The following SLCO4A1 variants were observed in gnomAD, a reference collection of about 807,000 sequenced individuals.
SLCO4A1 encodes the protein colon organic anion transporter.
SLCO4A1 carries 51 observed loss-of-function variants against 64.6 expected under a neutral mutation model. The ratio of observed to expected loss-of-function variants is 0.79; its 90% CI spans 0.63 to 1.00. The LOEUF is 1.00. Among genes scored for constraint, SLCO4A1 ranks in the 50% least tolerant of loss-of-function variants. The pLI, the probability that SLCO4A1 is intolerant of heterozygous loss-of-function variation, is 0.00. For synonymous variants in SLCO4A1, 471 were observed against 444.9 expected (o/e 1.06, Z -0.74); for missense variants, 919 against 980.5 (o/e 0.94, Z 0.84).
At chr20:62,652,269 G>T (rs1982687576) in intron 1 of SLCO4A1, 1 of 152,094 alleles carries the variant, frequency 6.6e-6, no homozygotes, top group Non-Finnish European at 1.5e-5. Context: ...CCTCCAGGCA[G>T]TCCTCAGGGT....
intron 2 of SLCO4A1, among the ~76,000 whole-genome samples, chr20:62,678,820 G>C (rs1160608896): frequency 1.3e-5 from 2 of 152,196 alleles, no homozygotes; most frequent in Non-Finnish European, 2.9e-5. Context: ...GGTTAGTAGT[G>C]TGTGGTTTCA....
intron 9 of SLCO4A1, 110 bp downstream of exon 9, chr20:62,668,294 CG>C (rs1569146036): frequency 1.5e-6 from 2 of 1,362,922 alleles, no homozygotes; most frequent in Non-Finnish European, 2.1e-6. Context: ...CAGGTCTAAG[CG>C]GGCCTGTCTG....
At chr20:62,658,456 T>G (rs1374526587) in intron 2 of SLCO4A1, among the ~76,000 whole-genome samples, 1 of 152,260 alleles carries the variant, frequency 6.6e-6, no homozygotes, top group African/African-American at 2.4e-5. Context: ...GGAAAGACAG[T>G]GCACTTGGCT....
At chr20:62,680,584 TA>T (rs1368456373) in intron 2 of SLCO4A1, among the ~76,000 whole-genome samples, 2 of 138,144 alleles carry the variant, frequency 1.4e-5, no homozygotes, top group African/African-American at 5.5e-5. Flanking sequence ...TTTTTTTTTT[TA>T]ACCATAAATG....
chr20:62,658,142 A>G (rs2147080320), intron 2 of SLCO4A1, among the ~76,000 whole-genome samples: 1 of 152,066 alleles, frequency 6.6e-6, no homozygotes, highest in South Asian at 2.1e-4. Flanking sequence ...CCCCAGCCGG[A>G]CTCTGCAGTG....
chr20:62,665,522 C>G (rs993016794), intron 6 of SLCO4A1: 1 of 162,368 alleles, frequency 6.2e-6, no homozygotes, highest in African/African-American at 2.4e-5. Context: ...GACCCCTCCT[C>G]AGAGCTGCTC....
chr20:62,660,918 C>T, intron 4 of SLCO4A1, 146 bp from the exon 5 acceptor site: 1 of 634,274 alleles, frequency 1.6e-6, no homozygotes, highest in Non-Finnish European at 2.7e-6. Context: ...TGCCGCCTCC[C>T]CGGGGCTGCG....
intron 1 of SLCO4A1, chr20:62,650,749 A>G (rs909663357): frequency 1.3e-5 from 2 of 152,144 alleles, no homozygotes; most frequent in Admixed American, 1.3e-4. Context: ...GGCTGTCCAC[A>G]TTGCTGGACT....
In SLCO4A1 at chr20:62,644,248, A is replaced by C. The variant is rs181976589; in HGVS notation, c.-97+1695A>C. ...AGGCCGGCCACTCGGTGAGACCTGG[A>C]CGCTGACCACAGCCAGGCTGCCCTG... On this transcript the variant is annotated intron_variant, in intron 1 of 11. Transcript: ENST00000217159. This position sits in a 1 kb window ranked among gnomAD's most constrained non-coding sequence, Gnocchi z 5.4. Among the ~76,000 whole-genome samples the C allele has an allele frequency of 5.4e-4, 83 of 152,348 alleles. No homozygotes were observed. In the Middle Eastern group the frequency reaches 0.01, roughly 19 times the overall value.
downstream of SLCO4A1, among the ~76,000 whole-genome samples, chr20:62,687,061 A>G (rs1342750417): frequency 8.8e-5 from 12 of 136,476 alleles, no homozygotes; most frequent in African/African-American, 2.9e-4. Context: ...GGGAAAGGGC[A>G]CCCCCAAACA....
chr20:62,684,736 T>C (rs1987990526), intron 2 of SLCO4A1, among the ~76,000 whole-genome samples: 3 of 151,100 alleles, frequency 2.0e-5, no homozygotes, highest in Non-Finnish European at 4.4e-5. Context: ...CTGGACACAC[T>C]CATTCCCGCC....
downstream of SLCO4A1, among the ~76,000 whole-genome samples, chr20:62,674,233 G>A (rs73307381): frequency 2.8e-3 from 420 of 152,348 alleles, 3 homozygotes; most frequent in Middle Eastern, 0.01. Context: ...GAGTGTGGGT[G>A]TTGGGGCACA....
chr20:62,666,699 G>A (rs879739971), intron 7 of SLCO4A1, 124 bp downstream of exon 7: 3 of 850,536 alleles, frequency 3.5e-6, no homozygotes, highest in Non-Finnish European at 5.6e-6. Flanking sequence ...TCACAGGACA[G>A]CGGCAAGGGC....
rs763691790 is a variant in SLCO4A1 at position 62,664,995 on chromosome 20, G to A, written c.1183G>A (p.Glu395Lys). The change falls in exon 6 of 12, where the codon GAG becomes AAG. Residue 395 changes from glutamate to lysine, a missense_variant. Coordinates refer to ENST00000217159, the MANE Select transcript of SLCO4A1 (RefSeq NM_016354.4). ...CCTGCTCTGCCTGGCCGGGGCCACC[G>A]AGGCCACTCTCATCACCGGCATGTC... ...FILLCLAGAT[E>K]ATLITGMSTF... 7.7e-5 allele frequency: 125 copies of A among 1,613,718 alleles called. No homozygotes were observed. The Admixed American group carries it at 2.0e-3, about 25-fold the overall frequency.
chr20:62,663,115 C>A (rs573900472), intron 5 of SLCO4A1: 1 of 152,178 alleles, frequency 6.6e-6, no homozygotes, highest in Non-Finnish European at 1.5e-5. Context: ...TCAGTCTGAG[C>A]GAGCCAGCGA....
chr20:62,655,663 C>T (rs1202105458), intron 1 of SLCO4A1, among the ~76,000 whole-genome samples: 1 of 152,156 alleles, frequency 6.6e-6, no homozygotes, highest in Non-Finnish European at 1.5e-5. Flanking sequence ...ACATGGCTGC[C>T]GACTGCAACT....
chr20:62,660,275 C>A, intron 3 of SLCO4A1, 137 bp from the exon 4 acceptor site: 1 of 964,744 alleles, frequency 1.0e-6, no homozygotes, highest in Non-Finnish European at 1.5e-6. Flanking sequence ...CCAGCAGCAC[C>A]AGGGGCCTGT....
chr20:62,683,439 G>A (rs193198284), intron 2 of SLCO4A1, among the ~76,000 whole-genome samples: 219 of 152,242 alleles, frequency 1.4e-3, no homozygotes, highest in African/African-American at 5.2e-3. Context: ...TTGGCGGGAC[G>A]GAAGCTGCGG....
At chr20:62,671,590 G>A (rs573374946) in intron 11 of SLCO4A1, among the ~76,000 whole-genome samples, 160 bp from the exon 12 acceptor site, 15 of 152,210 alleles carry the variant, frequency 9.9e-5, no homozygotes, top group East Asian at 1.9e-4. Flanking sequence ...TCTACAAACC[G>A]GTTATATGGG....
Sources: allele counts gnomAD v4.1 joint callset (sites outside exome capture counted in the v4.1 genomes callset), GRCh38; gene constraint gnomAD v4.1.1; non-coding constraint Gnocchi (gnomAD v3.1); transcripts MANE v1.5; gene names NCBI Gene and HGNC (gene_info 2026-07-23, HGNC 2026-07-21).